The following CAMKMT variants were observed in gnomAD, a reference collection of about 807,000 sequenced individuals.
The protein encoded by CAMKMT is CaM KMT.
Under a neutral mutation model 48.0 loss-of-function variants are expected in CAMKMT, and 53 were observed. The ratio of observed to expected loss-of-function variants is 1.10; its 90% confidence interval spans 0.89 to 1.39. The LOEUF is 1.39. Among genes scored for constraint, CAMKMT ranks in the 40% most tolerant of loss-of-function variants. The pLI is 0.00. For synonymous variants in CAMKMT, 165 were observed against 152.3 expected, an observed-to-expected ratio of 1.08 and a Z score of -0.61; for missense variants, 428 against 402.7, an observed-to-expected ratio of 1.06 and a Z score of -0.54.
rs181594859 is a variant in CAMKMT at position 44,764,240 on chromosome 2, A to C, written c.763-2190A>C. Among the ~76,000 whole-genome samples the C allele has an allele frequency of 1.8e-3, 270 of 152,360 alleles. 1 individual carries two copies. The highest frequency in any genetic ancestry group is 6.2e-3 in the African/African-American group (257 of 41,580). On this transcript the variant is annotated intron_variant, in intron 9 of 10. Coordinates refer to ENST00000378494, the MANE Select transcript of CAMKMT (RefSeq NM_024766.5). ...AGTGTGTACAGGCTGATGTAAACAC[A>C]GTATGAAAACACACTTGATGCTCAG...
chr2:44,745,544 C>A (rs1427192745), intron 8 of CAMKMT, among the ~76,000 whole-genome samples: 2 of 152,274 alleles, frequency 1.3e-5, no homozygotes, highest in East Asian at 3.9e-4. Flanking sequence ...TACACACACA[C>A]ATAGATACAC....
At chr2:44,482,340 A>G (rs1465719340) in intron 3 of CAMKMT, among the ~76,000 whole-genome samples, 1 of 152,158 alleles carries the variant, frequency 6.6e-6, no homozygotes, top group Non-Finnish European at 1.5e-5. Flanking sequence ...ACTTAATCTT[A>G]AACATACACC....
chr2:44,688,337 A>G (rs946845025), intron 3 of CAMKMT, among the ~76,000 whole-genome samples: 1 of 152,194 alleles, frequency 6.6e-6, no homozygotes. Flanking sequence ...TGCCCAAGTT[A>G]GTGCAGCAGC....
chr2:44,608,236 C>G (rs1367720056), intron 3 of CAMKMT, among the ~76,000 whole-genome samples: 1 of 151,894 alleles, frequency 6.6e-6, no homozygotes, highest in Admixed American at 6.6e-5. Context: ...CCGCGCCTGG[C>G]TAATTTTTTG....
intron 3 of CAMKMT, among the ~76,000 whole-genome samples, chr2:44,615,096 T>A (rs758058138): frequency 6.6e-6 from 1 of 151,932 alleles, no homozygotes; most frequent in South Asian, 2.1e-4. Context: ...GGCTAATTTT[T>A]AAAAATTATT....
At chr2:44,391,118 G>T (rs1409913432) in intron 3 of CAMKMT, among the ~76,000 whole-genome samples, 1 of 152,026 alleles carries the variant, frequency 6.6e-6, no homozygotes, top group African/African-American at 2.4e-5. Flanking sequence ...TTAACTTTTG[G>T]CTGAATTTAG....
At chr2:44,549,558 C>T in intron 3 of CAMKMT, 1 of 694,428 alleles carries the variant, frequency 1.4e-6, no homozygotes, top group Non-Finnish European at 2.6e-6. Context: ...TTCTTAGACA[C>T]AGGGTCTCAC....
intron 3 of CAMKMT, among the ~76,000 whole-genome samples, chr2:44,599,475 G>A (rs972409196): frequency 1.3e-5 from 2 of 151,886 alleles, no homozygotes; most frequent in Non-Finnish European, 2.9e-5. Flanking sequence ...CATCAATATC[G>A]TTTTCCTTTA....
At chr2:44,404,684 C>G (rs2104457065) in intron 3 of CAMKMT, among the ~76,000 whole-genome samples, 1 of 152,150 alleles carries the variant, frequency 6.6e-6, no homozygotes, top group Admixed American at 6.5e-5. Context: ...TTTTCTTTCT[C>G]TTTGTTGCCT....
At position 44,683,547 on chromosome 2, in the gene CAMKMT, G is replaced by A. The variant is rs111564159; in HGVS notation, c.377-20736G>A. 5.7e-4 allele frequency among the ~76,000 whole-genome samples: 87 copies of A among 152,258 alleles called. 1 individual carries two copies. The Middle Eastern group carries it at 0.017, about 30-fold the overall frequency. ...ATGAAAAACAGTAACGAGGCAGGGCGCGGTGGCTCACGCCTATAATCCCAG... is the reference window on the plus strand; with the variant it reads ...ATGAAAAACAGTAACGAGGCAGGGCACGGTGGCTCACGCCTATAATCCCAG... On this transcript the variant is annotated intron_variant, in intron 3 of 10. Coordinates refer to ENST00000378494, the MANE Select transcript of CAMKMT (RefSeq NM_024766.5).
intron 3 of CAMKMT, among the ~76,000 whole-genome samples, chr2:44,609,017 A>G (rs757607238): frequency 6.6e-5 from 10 of 152,226 alleles, no homozygotes; most frequent in Admixed American, 1.3e-4. Flanking sequence ...TTTTCTTGCC[A>G]TACCAGTCAA....
chr2:44,542,791 T>A (rs1310919009), intron 3 of CAMKMT, among the ~76,000 whole-genome samples: 1 of 151,992 alleles, frequency 6.6e-6, no homozygotes, highest in Non-Finnish European at 1.5e-5. Context: ...ATGGGGTACT[T>A]AAGACAGAGA....
At chr2:44,561,263 C>A (rs548732566) in intron 3 of CAMKMT, among the ~76,000 whole-genome samples, 12 of 152,156 alleles carry the variant, frequency 7.9e-5, no homozygotes, top group South Asian at 2.1e-4. Flanking sequence ...TTACCAAAAT[C>A]ATGGTTTTGT....
At chr2:44,532,839 G>C (rs1666562817) in intron 3 of CAMKMT, among the ~76,000 whole-genome samples, 1 of 149,762 alleles carries the variant, frequency 6.7e-6, no homozygotes, top group Admixed American at 6.7e-5. Context: ...TTTTGAGACA[G>C]AGTCTCGCTG....
At chr2:44,592,304 A>G (rs1670341314) in intron 3 of CAMKMT, among the ~76,000 whole-genome samples, 1 of 93,478 alleles carries the variant, frequency 1.1e-5, no homozygotes, top group South Asian at 3.4e-4. Flanking sequence ...AATCTTTGAT[A>G]GTTGGTGTCT....
intron 3 of CAMKMT, among the ~76,000 whole-genome samples, chr2:44,679,409 CA>C (rs1675892212): frequency 1.3e-5 from 2 of 151,988 alleles, no homozygotes. Context: ...AATGCATTAC[CA>C]AAATGAAGGG....
intron 3 of CAMKMT, chr2:44,393,327 T>C (rs1233096689): frequency 6.6e-6 from 1 of 152,246 alleles, no homozygotes; most frequent in Non-Finnish European, 1.5e-5. Context: ...AAGTGTTTTA[T>C]ATTTTTGAGG....
intron 3 of CAMKMT, among the ~76,000 whole-genome samples, chr2:44,693,937 T>C (rs2104230841): frequency 6.6e-6 from 1 of 152,290 alleles, no homozygotes; most frequent in African/African-American, 2.4e-5. Flanking sequence ...TCACTTCCCT[T>C]GAGGGAGCTA....
chr2:44,687,462 G>A (rs1676400515), intron 3 of CAMKMT, among the ~76,000 whole-genome samples: 1 of 152,180 alleles, frequency 6.6e-6, no homozygotes, highest in African/African-American at 2.4e-5. Flanking sequence ...ACATTCAAAT[G>A]CATTATTTCT....
Sources: gnomAD v4.1 joint callset for allele counts (sites outside exome capture counted in the v4.1 genomes callset) on GRCh38, gnomAD v4.1.1 for gene constraint, MANE v1.5 for transcripts, NCBI Gene and HGNC (gene_info 2026-07-23, HGNC 2026-07-21) for gene names.